Variants in CTNNA2 observed in about 807,000 individuals in gnomAD.
The protein encoded by CTNNA2 is catenin alpha 2.
In CTNNA2, 42 loss-of-function variants were observed where a neutral mutation model predicts 101.0. The ratio of observed to expected loss-of-function variants is 0.42; its 90% CI spans 0.32 to 0.54. The LOEUF (loss-of-function observed/expected upper bound fraction) is 0.54. Among genes scored for constraint, CTNNA2 ranks in the 20% least tolerant of loss-of-function variants. CTNNA2 has a pLI of 0.14. For missense variants in CTNNA2, 871 were observed against 1,223.1 expected (o/e 0.71, Z 4.29); for synonymous variants, 450 against 456.4 (o/e 0.99, Z 0.18).
At chr2:79,405,029 C>G (rs1227382264) in intron 4 of CTNNA2, among the ~76,000 whole-genome samples, 1 of 151,930 alleles carries the variant, frequency 6.6e-6, no homozygotes, top group Non-Finnish European at 1.5e-5. Flanking sequence ...TTGCTTCTAA[C>G]CAATAGAATA....
Position 79,662,537 on chromosome 2 carries a change from T to C in CTNNA2, c.102+10879T>C, listed in dbSNP as rs147355280. ...TTAACTATTTTGGACAATGTAGAAA[T>C]ATTATCTGAACTGGAGACCAAAAAA... On this transcript the variant is annotated intron_variant, in intron 2 of 18. Transcript: ENST00000402739. 3.5e-3 allele frequency among the ~76,000 whole-genome samples: 533 copies of C among 152,180 alleles called. 12 individuals are homozygous for C. The East Asian group carries it at 0.048, about 14-fold the overall frequency.
intron 4 of CTNNA2, among the ~76,000 whole-genome samples, chr2:79,475,458 T>A (rs1260093531): frequency 6.6e-6 from 1 of 152,172 alleles, no homozygotes; most frequent in Non-Finnish European, 1.5e-5. Flanking sequence ...TTAATGAACG[T>A]TCACAAAGTG....
intron 3 of CTNNA2, among the ~76,000 whole-genome samples, chr2:79,344,056 T>A (rs1485377205): frequency 1.3e-5 from 2 of 152,158 alleles, no homozygotes; most frequent in East Asian, 3.9e-4. Flanking sequence ...TCATGCTCTC[T>A]TGTAGGTTGC....
chr2:80,596,639 C>G (rs1052923507), intron 15 of CTNNA2, among the ~76,000 whole-genome samples: 3 of 152,026 alleles, frequency 2.0e-5, no homozygotes, highest in Non-Finnish European at 4.4e-5. Flanking sequence ...AGTACACAAT[C>G]ATGTCATCTG....
chr2:79,267,438 C>T (rs1163203166), intron 2 of CTNNA2, among the ~76,000 whole-genome samples: 1 of 152,052 alleles, frequency 6.6e-6, no homozygotes, highest in Non-Finnish European at 1.5e-5. Flanking sequence ...TATAAGGGCA[C>T]TAATCATATT....
intron 7 of CTNNA2, among the ~76,000 whole-genome samples, chr2:79,941,873 C>A (rs568868242): frequency 1.3e-5 from 2 of 152,248 alleles, no homozygotes; most frequent in South Asian, 4.1e-4. Flanking sequence ...CTTCCCTCAG[C>A]CTCCCAAAAT....
intron 9 of CTNNA2, among the ~76,000 whole-genome samples, chr2:80,484,163 T>G (rs1376498477): frequency 6.6e-6 from 1 of 152,160 alleles, no homozygotes; most frequent in Non-Finnish European, 1.5e-5. Context: ...ATTGGTTTTT[T>G]AATTTTTTTA....
intron 7 of CTNNA2, among the ~76,000 whole-genome samples, chr2:80,038,060 G>GA (rs1695782921): frequency 2.3e-5 from 1 of 43,014 alleles, no homozygotes; most frequent in Non-Finnish European, 4.0e-5. Context: ...AGTTGGTTTT[G>GA]AAAATTGAAA....
chr2:79,317,522 C>T (rs1234885770), intron 3 of CTNNA2, among the ~76,000 whole-genome samples: 4 of 151,934 alleles, frequency 2.6e-5, no homozygotes, highest in East Asian at 1.9e-4. Flanking sequence ...ACTAGTAACT[C>T]GATAAATGTG....
chr2:79,247,460 G>A (rs1015549703), intron 2 of CTNNA2, among the ~76,000 whole-genome samples: 1 of 152,180 alleles, frequency 6.6e-6, no homozygotes, highest in African/African-American at 2.4e-5. Context: ...TTATTTTGGA[G>A]CATTGCAATT....
At chr2:79,574,818 A>G (rs1274488056) in intron 1 of CTNNA2, among the ~76,000 whole-genome samples, 2 of 152,164 alleles carry the variant, frequency 1.3e-5, no homozygotes, top group Non-Finnish European at 2.9e-5. Context: ...GGCTAAGCTA[A>G]TTTACATTCC....
chr2:80,365,455 A>G (rs1382354601), intron 7 of CTNNA2, among the ~76,000 whole-genome samples: 2 of 152,098 alleles, frequency 1.3e-5, no homozygotes, highest in African/African-American at 4.8e-5. Flanking sequence ...TATTTTTTAC[A>G]TGATTTTTTA....
At chr2:79,829,119 A>G (rs1366589395) in intron 3 of CTNNA2, among the ~76,000 whole-genome samples, 1 of 152,154 alleles carries the variant, frequency 6.6e-6, no homozygotes, top group East Asian at 1.9e-4. Flanking sequence ...CCACTTGAAA[A>G]GGAACATGTT....
intron 9 of CTNNA2, among the ~76,000 whole-genome samples, chr2:80,466,865 A>G (rs140219802): frequency 3.9e-5 from 6 of 152,222 alleles, no homozygotes. Flanking sequence ...CATTTGGTAT[A>G]ATAGATACCT....
At chr2:80,613,452 G>T (rs928348284) in intron 17 of CTNNA2, among the ~76,000 whole-genome samples, 6 of 151,228 alleles carry the variant, frequency 4.0e-5, no homozygotes, top group Non-Finnish European at 8.9e-5. Context: ...ATTTCTTTGG[G>T]TGCTGGGCAT....
intron 4 of CTNNA2, among the ~76,000 whole-genome samples, chr2:79,394,938 G>T (rs1678213484): frequency 6.6e-6 from 1 of 152,060 alleles, no homozygotes; most frequent in Non-Finnish European, 1.5e-5. Context: ...AGATCACTGT[G>T]GGCCATGTGT....
chr2:79,517,943 C>T (rs1014101196), intron 1 of CTNNA2, among the ~76,000 whole-genome samples: 4 of 152,064 alleles, frequency 2.6e-5, no homozygotes, highest in Admixed American at 6.6e-5. Context: ...GTTCCCCATA[C>T]GTGAGGGTGG....
intron 7 of CTNNA2, among the ~76,000 whole-genome samples, chr2:80,075,440 C>T (rs1489377043): frequency 3.3e-5 from 5 of 151,436 alleles, no homozygotes; most frequent in East Asian, 3.9e-4. Context: ...GTGATAATAG[C>T]GTCTACCTCC....
intron 9 of CTNNA2, among the ~76,000 whole-genome samples, chr2:80,428,656 AC>A (rs1243347005): frequency 6.6e-6 from 1 of 152,012 alleles, no homozygotes; most frequent in East Asian, 1.9e-4. Context: ...TGGTCCTAAA[AC>A]CCCTACACAA....
Sources: allele counts gnomAD v4.1 joint callset (sites outside exome capture counted in the v4.1 genomes callset), GRCh38; gene constraint gnomAD v4.1.1; transcripts MANE v1.5; gene names NCBI Gene and HGNC (gene_info 2026-07-23, HGNC 2026-07-21).